Variants in SOX6 observed in about 807,000 individuals in gnomAD.
SOX6 encodes SRY-box transcription factor 6.
In SOX6, 11 loss-of-function variants were observed where a neutral mutation model predicts 97.8. The observed-to-expected ratio is 0.11, with a 90% CI of 0.07 to 0.19. The LOEUF is 0.19. SOX6 is among the 10% of genes least tolerant of loss of function. SOX6 has a pLI of 1.00. For missense variants in SOX6, 810 were observed against 1,039.5 expected (o/e 0.78, Z 3.04); for synonymous variants, 360 against 371.4 (o/e 0.97, Z 0.35).
In SOX6 at chr11:16,496,136, A is replaced by T. The variant is rs548498183; in HGVS notation, n.610-19748T>A. Among the ~76,000 whole-genome samples, 4 of 152,334 alleles carry T rather than the reference A, an allele frequency of 2.6e-5. No individual in the cohort carries two copies. The East Asian group carries it at 7.7e-4, about 29-fold the overall frequency. ...AAATTAGAAGTAATTATTAAACCAGATGTGCAGATATCAATGCAAAGATAT... is the reference window on the plus strand; with the variant it reads ...AAATTAGAAGTAATTATTAAACCAGTTGTGCAGATATCAATGCAAAGATAT... On this transcript the variant is annotated intron_variant and non_coding_transcript_variant, in intron 4 of 5. Transcript: ENST00000524520.
At chr11:16,484,261 G>A (rs556435878) in intron 4 of SOX6, 28 of 1,095,284 alleles carry the variant, frequency 2.6e-5, no homozygotes, top group Admixed American at 1.7e-4. Flanking sequence ...TGTCCAGAAT[G>A]TTGGTGTCAC....
intron 12 of SOX6, among the ~76,000 whole-genome samples, chr11:16,035,137 A>G (rs1446063201): frequency 6.6e-6 from 1 of 152,192 alleles, no homozygotes; most frequent in East Asian, 1.9e-4. Flanking sequence ...TCACATGCAC[A>G]CACAAACTCA....
At chr11:16,226,431 C>A (rs2134164612) in intron 4 of SOX6, among the ~76,000 whole-genome samples, 1 of 152,028 alleles carries the variant, frequency 6.6e-6, no homozygotes, top group South Asian at 2.1e-4. Context: ...GTGTCCCTGG[C>A]ACATTGCCCA....
intron 4 of SOX6, among the ~76,000 whole-genome samples, chr11:16,589,595 T>C (rs753544580): frequency 3.7e-4 from 57 of 152,228 alleles, no homozygotes; most frequent in Non-Finnish European, 6.5e-4. Flanking sequence ...AGTAGCTCAA[T>C]AGCAGGCATA....
rs146963936 is a variant in SOX6, at chr11:16,665,778, G to A, written n.429+49052C>T. 9.8e-5 allele frequency among the ~76,000 whole-genome samples: 15 copies of A among 152,296 alleles called. No individual in the cohort carries two copies. The East Asian group carries it at 1.2e-3, about 12-fold the overall frequency. ...GCTTTAGGTTTGACCCAGTGCAGTC[G>A]CAGTGGTGGTGGCCACAGGGGTGCT... On this transcript the variant is annotated intron_variant and non_coding_transcript_variant, in intron 3 of 5. Transcript: ENST00000524520.
intron 4 of SOX6, among the ~76,000 whole-genome samples, chr11:16,512,371 C>A (rs73435522): frequency 0.013 from 1,976 of 152,284 alleles, 23 homozygotes; most frequent in South Asian, 0.035. Context: ...TCTATGACAT[C>A]ACATCTTTGC....
At chr11:16,268,026 T>A (rs1217221887) in intron 3 of SOX6, among the ~76,000 whole-genome samples, 1 of 151,382 alleles carries the variant, frequency 6.6e-6, no homozygotes, top group Non-Finnish European at 1.5e-5. Flanking sequence ...AGAATGGTGG[T>A]TACCAGAGTC....
intron 4 of SOX6, among the ~76,000 whole-genome samples, chr11:16,543,620 A>C (rs1474756277): frequency 6.6e-6 from 1 of 152,164 alleles, no homozygotes; most frequent in Non-Finnish European, 1.5e-5. Flanking sequence ...GCCAATTTTT[A>C]AATGAGCAAA....
intron 6 of SOX6, among the ~76,000 whole-genome samples, chr11:16,171,923 A>G (rs1851049532): frequency 6.6e-6 from 1 of 151,848 alleles, no homozygotes; most frequent in African/African-American, 2.4e-5. Context: ...TACTGGGACT[A>G]GAAATTGAAA....
rs561368763 is a variant in SOX6 at position 16,203,359 on chromosome 11, C to T, written c.536-16404G>A. On this transcript the variant is annotated intron_variant, in intron 4 of 15. Transcript: ENST00000683767. ...AAAGTAACTCAAGCATTACAGCACT[C>T]TTCTACATGGCAAGGAGATGAATGA... 2.6e-5 allele frequency among the ~76,000 whole-genome samples: 4 copies of T among 152,238 alleles called. No individual in the cohort carries two copies. In the South Asian group the frequency reaches 8.3e-4, roughly 32 times the overall value.
At chr11:16,338,756 T>G (rs974886026) in intron 2 of SOX6, among the ~76,000 whole-genome samples, 10 of 152,028 alleles carry the variant, frequency 6.6e-5, no homozygotes, top group African/African-American at 1.9e-4. Flanking sequence ...TACATTAATA[T>G]TTAACTTATT....
intron 3 of SOX6, among the ~76,000 whole-genome samples, chr11:16,671,265 C>T (rs1847845839): frequency 6.6e-6 from 1 of 152,120 alleles, no homozygotes; most frequent in South Asian, 2.1e-4. Context: ...ATGACCACAC[C>T]AGTTCTCCAA....
intron 1 of SOX6, among the ~76,000 whole-genome samples, chr11:16,458,306 A>G (rs1423133575): frequency 6.6e-6 from 1 of 152,100 alleles, no homozygotes; most frequent in Non-Finnish European, 1.5e-5. Context: ...AAGAGCTTAC[A>G]ATCTGCCACA....
At chr11:16,454,768 T>C (rs1859784032) in intron 1 of SOX6, among the ~76,000 whole-genome samples, 3 of 152,160 alleles carry the variant, frequency 2.0e-5, no homozygotes, top group South Asian at 2.1e-4. Flanking sequence ...TATTCCATTA[T>C]AGCACAATGC....
chr11:16,365,013 G>C (rs1047157798), intron 1 of SOX6, among the ~76,000 whole-genome samples: 1 of 152,090 alleles, frequency 6.6e-6, no homozygotes, highest in Non-Finnish European at 1.5e-5. Flanking sequence ...CTGTTACCCA[G>C]AGTCAACCAA....
chr11:16,243,655 C>G (rs1439597209), intron 3 of SOX6, among the ~76,000 whole-genome samples: 1 of 151,930 alleles, frequency 6.6e-6, no homozygotes, highest in Non-Finnish European at 1.5e-5. Context: ...TTATCTTATG[C>G]TCCCTTTCCA....
At chr11:16,733,491 C>T (rs1470071140) in intron 2 of SOX6, among the ~76,000 whole-genome samples, 1 of 150,686 alleles carries the variant, frequency 6.6e-6, no homozygotes, top group African/African-American at 2.4e-5. Flanking sequence ...AAAAACCAAA[C>T]ACGACATGTT....
At chr11:16,057,962 T>C (rs950041032) in intron 9 of SOX6, among the ~76,000 whole-genome samples, 2 of 152,124 alleles carry the variant, frequency 1.3e-5, no homozygotes, top group East Asian at 3.9e-4. Context: ...TTCACTATTA[T>C]GTCCTTCTGT....
intron 3 of SOX6, among the ~76,000 whole-genome samples, chr11:16,625,694 C>G (rs1000863128): frequency 1.3e-5 from 2 of 152,016 alleles, no homozygotes; most frequent in Admixed American, 1.3e-4. Context: ...TTCATCATGC[C>G]TATGTAGTGA....
Sources: allele counts gnomAD v4.1 joint callset (sites outside exome capture counted in the v4.1 genomes callset), GRCh38; gene constraint gnomAD v4.1.1; transcripts MANE v1.5; gene names NCBI Gene and HGNC (gene_info 2026-07-23, HGNC 2026-07-21).